CTNND2: variants seen among roughly 807,000 people sequenced by gnomAD.
The protein encoded by CTNND2 is catenin delta-2.
In CTNND2, 22 loss-of-function variants were observed where a neutral mutation model predicts 144.4. The observed-to-expected ratio is 0.15, with a 90% CI of 0.11 to 0.22. The LOEUF is 0.22. Ranked by LOEUF, CTNND2 falls within the 10% of genes least tolerant of loss-of-function variation. The probability of loss-of-function intolerance (pLI) is 1.00; values close to 1 mark genes in which losing one functional copy is unlikely to be tolerated. For missense variants in CTNND2, 1,353 were observed against 1,618.8 expected, an observed-to-expected ratio of 0.84 and a Z score of 2.82; for synonymous variants, 751 against 695.6, an observed-to-expected ratio of 1.08 and a Z score of -1.25.
chr5:11,338,152 G>C (rs2149726352), intron 9 of CTNND2, among the ~76,000 whole-genome samples: 1 of 152,264 alleles, frequency 6.6e-6, no homozygotes, highest in Middle Eastern at 3.4e-3. Flanking sequence ...TGTGTAGCAG[G>C]GGTGTTAGGG....
At chr5:11,076,872 A>T (rs917308070) in intron 16 of CTNND2, among the ~76,000 whole-genome samples, 1 of 152,196 alleles carries the variant, frequency 6.6e-6, no homozygotes, top group African/African-American at 2.4e-5. Flanking sequence ...AGAATGATCT[A>T]CGAAGAATTC....
At chr5:11,615,737 C>T (rs1367612058) in intron 2 of CTNND2, among the ~76,000 whole-genome samples, 1 of 152,254 alleles carries the variant, frequency 6.6e-6, no homozygotes, top group South Asian at 2.1e-4. Flanking sequence ...AATAAATGTA[C>T]CCCATGACAC....
chr5:11,485,559 T>C (rs1034237670), intron 3 of CTNND2, among the ~76,000 whole-genome samples: 2 of 152,198 alleles, frequency 1.3e-5, no homozygotes, highest in African/African-American at 2.4e-5. Flanking sequence ...GTAGTACAGA[T>C]ATAAACAAAT....
chr5:11,580,280 C>A lies in CTNND2; in HGVS notation c.175-15224G>T, dbSNP rs1460981504. On this transcript the variant is annotated intron_variant, in intron 2 of 21. Coordinates refer to ENST00000304623, the MANE Select transcript of CTNND2 (RefSeq NM_001332.4). The stretch of plus-strand genomic sequence containing the variant: ...TAGACTACCCATGGTTAACCAGTTG[C>A]TAAGTGAGGAAACAGATATTCAGTA... Among the ~76,000 whole-genome samples, 4 of 152,060 alleles carry A rather than the reference C, an allele frequency of 2.6e-5. No homozygotes were observed. In the East Asian group the frequency reaches 7.7e-4, roughly 29 times the overall value.
At chr5:11,702,989 T>C (rs1785524105) in intron 2 of CTNND2, among the ~76,000 whole-genome samples, 1 of 152,096 alleles carries the variant, frequency 6.6e-6, no homozygotes, top group East Asian at 1.9e-4. Context: ...TCCCAAAACA[T>C]GGCAATGGGA....
rs144040428 is a variant in CTNND2, at chr5:11,376,676, C to T, written c.1177+7989G>A. Among the ~76,000 whole-genome samples, 12 of 152,288 alleles carry T rather than the reference C, an allele frequency of 7.9e-5. No individual in the cohort carries two copies. In the East Asian group the frequency reaches 2.3e-3, roughly 29 times the overall value. ...GCTTGTACTATCTAATGTAAACCAG[C>T]ATCTATAACAGAAGTCTAGAAGTTT... On this transcript the variant is annotated intron_variant, in intron 7 of 21. Transcript: ENST00000304623.
chr5:11,348,445 A>C (rs1189119936), intron 8 of CTNND2, among the ~76,000 whole-genome samples: 1 of 149,094 alleles, frequency 6.7e-6, no homozygotes, highest in Admixed American at 6.8e-5. Context: ...GGCAAAAAAA[A>C]AAAAAAAAAA....
chr5:11,196,182 T>A (rs1317727369), intron 11 of CTNND2, among the ~76,000 whole-genome samples: 2 of 152,242 alleles, frequency 1.3e-5, no homozygotes, highest in East Asian at 3.8e-4. Flanking sequence ...TTTGGCACTC[T>A]TGACATCATA....
intron 1 of CTNND2, among the ~76,000 whole-genome samples, chr5:11,825,834 C>T (rs780909461): frequency 2.6e-5 from 4 of 152,018 alleles, no homozygotes; most frequent in Non-Finnish European, 4.4e-5. Context: ...CGATGCAACA[C>T]TTTGAAGGGC....
intron 12 of CTNND2, among the ~76,000 whole-genome samples, chr5:11,142,904 T>G (rs1311917517): frequency 6.6e-6 from 1 of 152,154 alleles, no homozygotes. Flanking sequence ...TAAACTCTTT[T>G]ATTAGCCAAC....
At chr5:11,588,122 TTC>T (rs1778994444) in intron 2 of CTNND2, among the ~76,000 whole-genome samples, 1 of 152,152 alleles carries the variant, frequency 6.6e-6, no homozygotes, top group Non-Finnish European at 1.5e-5. Context: ...TGTATTCTAG[TTC>T]TAGTATAAAC....
intron 3 of CTNND2, among the ~76,000 whole-genome samples, chr5:11,530,054 T>C (rs760801276): frequency 4.0e-5 from 6 of 150,034 alleles, no homozygotes; most frequent in Non-Finnish European, 5.9e-5. Context: ...ACCAAAAATG[T>C]TCCAATGGAA....
At chr5:11,625,459 A>C (rs1308144179) in intron 2 of CTNND2, among the ~76,000 whole-genome samples, 1 of 151,330 alleles carries the variant, frequency 6.6e-6, no homozygotes, top group East Asian at 1.9e-4. Context: ...ATCATTTACA[A>C]AAAATAACTT....
intron 11 of CTNND2, among the ~76,000 whole-genome samples, chr5:11,190,808 C>A (rs1487871991): frequency 6.6e-6 from 1 of 152,116 alleles, no homozygotes; most frequent in African/African-American, 2.4e-5. Flanking sequence ...ACTGAAAAAG[C>A]TTGCCAAGTC....
At chr5:11,348,754 T>C (rs1047736576) in intron 8 of CTNND2, among the ~76,000 whole-genome samples, 1 of 151,662 alleles carries the variant, frequency 6.6e-6, no homozygotes, top group African/African-American at 2.4e-5. Context: ...AAAGAAAATA[T>C]AACAAGAAAG....
intron 12 of CTNND2, among the ~76,000 whole-genome samples, chr5:11,119,257 G>A (rs975824166): frequency 1.1e-4 from 16 of 152,176 alleles, no homozygotes; most frequent in African/African-American, 3.4e-4. Context: ...AACATGAAGA[G>A]TTTTTTGATA....
chr5:11,657,377 T>C (rs561581018), intron 2 of CTNND2, among the ~76,000 whole-genome samples: 2 of 152,246 alleles, frequency 1.3e-5, no homozygotes, highest in African/African-American at 4.8e-5. Flanking sequence ...TAAAAAAGCA[T>C]TGTGTCCTAC....
intron 16 of CTNND2, among the ~76,000 whole-genome samples, chr5:11,058,422 A>G (rs548470225): frequency 6.6e-6 from 1 of 152,362 alleles, no homozygotes; most frequent in African/African-American, 2.4e-5. Flanking sequence ...GCAAGCCCCA[A>G]GCCTTGGCAG....
chr5:11,459,281 T>C (rs147941831), intron 3 of CTNND2, among the ~76,000 whole-genome samples: 256 of 152,292 alleles, frequency 1.7e-3, no homozygotes, highest in African/African-American at 5.9e-3. Context: ...ATCTTTAGAA[T>C]AGGAAGACCA....
Sources: allele counts gnomAD v4.1 joint callset (sites outside exome capture counted in the v4.1 genomes callset), GRCh38; gene constraint gnomAD v4.1.1; transcripts MANE v1.5; gene names NCBI Gene and HGNC (gene_info 2026-07-23, HGNC 2026-07-21).